Variants in CROT observed in about 807,000 individuals in gnomAD.
CROT encodes carnitine O-octanoyltransferase.
A neutral mutation model predicts 89.2 loss-of-function variants in CROT; 84 were observed. The ratio of observed to expected loss-of-function variants is 0.94; its 90% CI spans 0.79 to 1.13. The LOEUF (loss-of-function observed/expected upper bound fraction) is 1.13. Ranked by LOEUF, CROT falls within the 50% of genes most tolerant of loss-of-function variation. The pLI is 0.00. For missense variants in CROT, 711 were observed against 727.8 expected (o/e 0.98, Z 0.27); for synonymous variants, 212 against 239.5 (o/e 0.89, Z 1.06).
intron 6 of CROT, 123 bp from the exon 7 acceptor site, chr7:87,369,253 T>C (rs1313597206): frequency 1.7e-6 from 1 of 574,874 alleles, no homozygotes; most frequent in Non-Finnish European, 3.1e-6. Context: ...ATGTGATATA[T>C]TTGATGACTA....
chr7:87,382,098 C>T lies in CROT; in HGVS notation c.1087C>T (p.Pro363Ser), dbSNP rs758219810. 1 of 1,612,962 alleles carries T rather than the reference C, an allele frequency of 6.2e-7. No individual in the cohort carries two copies. Among genetic ancestry groups the T allele is most frequent in the Non-Finnish European group, 8.5e-7 (1 of 1,179,258 alleles). Residue 363 changes from proline to serine, a missense_variant, in exon 12 of 18, where the codon CCA becomes TCA. Pro to Ser is a moderately conservative substitution (Grantham distance 74, BLOSUM62 -1). Coordinates refer to ENST00000331536, the MANE Select transcript of CROT (RefSeq NM_021151.4). Reference protein sequence around the residue: ...WKGSEKVRDIPLPEELIFIVD... With the variant: ...WKGSEKVRDISLPEELIFIVD... ...GGGTTCAGAGAAGGTACGAGATATA[C>T]CACTTCCAGAAGAGCTCATTTTCAT...
chr7:87,391,705 C>T lies in CROT; in HGVS notation c.1418C>T (p.Ser473Phe), dbSNP rs139320892. The change falls in exon 14 of 18, where the codon TCT becomes TTT. Residue 473 changes from serine (S) to phenylalanine (F), a missense_variant. Physicochemically the swap from Ser to Phe is radical, Grantham distance 155. Coordinates refer to ENST00000331536, the MANE Select transcript of CROT (RefSeq NM_021151.4). ...TGGTGCCAGTCCATGCAGGATCCTTCTGTCAATGTGAGTATTGGAAAGGAA... is the reference window on the plus strand; with the variant it reads ...TGGTGCCAGTCCATGCAGGATCCTTTTGTCAATGTGAGTATTGGAAAGGAA... ...VRWCQSMQDP[S>F]VNLRERQQKM... The T allele has an allele frequency of 5.7e-5, 92 of 1,606,716 alleles. No individual in the cohort carries two copies. In the African/African-American group the frequency reaches 1.1e-3, roughly 19 times the overall value.
chr7:87,383,714 C>T (rs1040420985), intron 13 of CROT, among the ~76,000 whole-genome samples: 1 of 152,042 alleles, frequency 6.6e-6, no homozygotes, highest in African/African-American at 2.4e-5. Context: ...CCAGGCTGGT[C>T]TCTAACTCCT....
In CROT at chr7:87,369,370, T is replaced by C. The variant is rs754771339; in HGVS notation, c.548-6T>C. 1 of 1,590,916 alleles carries C rather than the reference T, an allele frequency of 6.3e-7. No homozygotes were observed. The highest frequency in any genetic ancestry group is 1.1e-5 in the South Asian group (1 of 87,390). On this transcript the variant is annotated splice_region_variant and splice_polypyrimidine_tract_variant and intron_variant, in intron 6 of 17. Transcript: ENST00000331536. Reference sequence around the variant, plus strand: ...TGAGTCTTGTGTTTTCTGTTTCTGTTTCCAGAGAGTGAAGGGCGTTCCCCA... The same window carrying C: ...TGAGTCTTGTGTTTTCTGTTTCTGTCTCCAGAGAGTGAAGGGCGTTCCCCA...
At position 87,354,062 on chromosome 7, in the gene CROT, G is replaced by A. The variant is rs188557278; in HGVS notation, c.115+4879G>A. On this transcript the variant is annotated intron_variant, in intron 3 of 17. Coordinates refer to ENST00000331536, the MANE Select transcript of CROT (RefSeq NM_021151.4). The stretch of plus-strand genomic sequence containing the variant: ...CTTAATTTAGGATTTTGATTTTGAG[G>A]CTGTTTATTAAACATGTTAAAAGGC... Among the ~76,000 whole-genome samples the A allele has an allele frequency of 4.2e-3, 636 of 152,248 alleles. 3 individuals carry two copies. Among genetic ancestry groups the A allele is most frequent in the Middle Eastern group, 6.8e-3 (2 of 294 alleles).
chr7:87,359,928 A>G, intron 4 of CROT: 1 of 984,260 alleles, frequency 1.0e-6, no homozygotes, highest in Non-Finnish European at 1.2e-6. Context: ...TATAATTCAA[A>G]AGCATTGCCT....
In CROT at chr7:87,361,713, T is replaced by G. The variant is rs778761286; in HGVS notation, c.423-15T>G. 1 of 1,562,122 alleles carries G rather than the reference T, an allele frequency of 6.4e-7. No homozygotes were observed. The highest frequency in any genetic ancestry group is 8.6e-7 in the Non-Finnish European group (1 of 1,158,462). ...TTTTATAATGACTTTTTGATCAAAA[T>G]CCTTTTTTTAATAGAGAAAAAGTGC... On this transcript the variant is annotated splice_polypyrimidine_tract_variant and intron_variant, in intron 5 of 17. Transcript: ENST00000331536.
At chr7:87,387,828 T>A (rs150414699) in intron 13 of CROT, among the ~76,000 whole-genome samples, 1 of 152,276 alleles carries the variant, frequency 6.6e-6, no homozygotes, top group African/African-American at 2.4e-5. Context: ...GGTGCATGCC[T>A]GTAATTCCAG....
chr7:87,390,595 C>G (rs1209183719), intron 13 of CROT, among the ~76,000 whole-genome samples: 1 of 152,188 alleles, frequency 6.6e-6, no homozygotes, highest in Non-Finnish European at 1.5e-5. Context: ...ACTTTTCACT[C>G]TCACTTTATT....
intron 3 of CROT, among the ~76,000 whole-genome samples, chr7:87,358,672 T>C (rs375848662): frequency 7.2e-5 from 11 of 152,126 alleles, no homozygotes; most frequent in African/African-American, 2.7e-4. Context: ...TAGATCATCA[T>C]AAAAATCTTC....
At chr7:87,354,086 G>T (rs774992005) in intron 3 of CROT, among the ~76,000 whole-genome samples, 1 of 152,108 alleles carries the variant, frequency 6.6e-6, no homozygotes, top group South Asian at 2.1e-4. Flanking sequence ...ATGTTAAAAG[G>T]CTGAAAACAT....
Position 87,349,107 on chromosome 7 carries a change from A to T in CROT, c.39A>T (p.Thr13=). Residue 13 remains threonine (T), a synonymous_variant, in exon 3 of 18, where the codon ACA becomes ACT. Coordinates refer to ENST00000331536, the MANE Select transcript of CROT (RefSeq NM_021151.4). ...TGGCTAAATCAACTGAAGAACGAAC[A>T]TTTCAGTACCAGGATTCTCTTCCAT... ...NQLAKSTEER[T]FQYQDSLPSL... The T allele has an allele frequency of 6.2e-7, 1 of 1,607,328 alleles. No homozygotes were observed. The highest frequency in any genetic ancestry group is 8.5e-7 in the Non-Finnish European group (1 of 1,176,220).
At chr7:87,370,334 C>T (rs1397807277) in intron 7 of CROT, among the ~76,000 whole-genome samples, 1 of 152,090 alleles carries the variant, frequency 6.6e-6, no homozygotes, top group East Asian at 1.9e-4. Flanking sequence ...AGGTGCGCAC[C>T]ACCATGGCCA....
intron 13 of CROT, among the ~76,000 whole-genome samples, chr7:87,386,299 G>A (rs1391635841): frequency 1.3e-5 from 2 of 152,104 alleles, no homozygotes; most frequent in East Asian, 3.8e-4. Flanking sequence ...CAGGTCCTAA[G>A]CTTTTGCTTA....
intron 3 of CROT, 49 bp from the exon 4 acceptor site, chr7:87,359,157 G>A (rs764154692): frequency 1.6e-6 from 2 of 1,235,814 alleles, no homozygotes; most frequent in South Asian, 2.5e-5. Context: ...ATAGAGGTGA[G>A]TTGGTGGTAC....
In CROT at chr7:87,368,318, G is replaced by T. The variant is rs777171452; in HGVS notation, c.548-1058G>T. On this transcript the variant is annotated intron_variant, in intron 6 of 17. Coordinates refer to ENST00000331536, the MANE Select transcript of CROT (RefSeq NM_021151.4). ...CATTTATTGATTAATTTGGCATCAGGTTTATTTTCTTTTTTCTTTTCCAGC... is the reference window on the plus strand; with the variant it reads ...CATTTATTGATTAATTTGGCATCAGTTTTATTTTCTTTTTTCTTTTCCAGC... Among the ~76,000 whole-genome samples the T allele has an allele frequency of 2.0e-4, 30 of 152,104 alleles. 1 individual carries two copies. Among genetic ancestry groups the T allele is most frequent in the Non-Finnish European group, 4.1e-4 (28 of 68,026 alleles).
intron 3 of CROT, chr7:87,357,558 G>A (rs1374784297): frequency 1.4e-6 from 2 of 1,434,200 alleles, no homozygotes; most frequent in Non-Finnish European, 1.9e-6. Context: ...GCTAAGAGAG[G>A]GTTCTTGGAT....
rs1304694412 is a variant in CROT at position 87,391,594 on chromosome 7, G to C, written c.1307G>C (p.Gly436Ala). 6.9e-6 allele frequency: 11 copies of C among 1,591,660 alleles called. No homozygotes were observed. Residue 436 changes from glycine to alanine, a missense_variant, in exon 14 of 18, where the codon GGT becomes GCT. Physicochemically the swap from Gly to Ala is moderately conservative, Grantham distance 60 (BLOSUM62 0). Coordinates refer to ENST00000331536, the MANE Select transcript of CROT (RefSeq NM_021151.4). The stretch of plus-strand genomic sequence containing the variant: ...CTTTTAATTTTTTCTTGTAGCCCTG[G>C]TTGTTGCTATGAAACAGCTATGACA... ...LAYYRLHGHP[G>A]CCYETAMTRH... is the part of the protein sequence containing the mutation.
chr7:87,388,315 C>T (rs149167170), intron 13 of CROT, among the ~76,000 whole-genome samples: 1 of 152,040 alleles, frequency 6.6e-6, no homozygotes, highest in East Asian at 1.9e-4. Context: ...CCTGTATAGC[C>T]AAAACAATCC....
Sources: allele counts gnomAD v4.1 joint callset (sites outside exome capture counted in the v4.1 genomes callset), GRCh38; gene constraint gnomAD v4.1.1; transcripts MANE v1.5; gene names NCBI Gene and HGNC (gene_info 2026-07-23, HGNC 2026-07-21).